HTR7: variants seen among roughly 807,000 people sequenced by gnomAD.
The protein encoded by HTR7 is 5-hydroxytryptamine receptor 7.
HTR7 carries 16 observed loss-of-function variants against 34.0 expected under a neutral mutation model. The ratio of observed to expected loss-of-function variants is 0.47; its 90% CI spans 0.32 to 0.71. The LOEUF is 0.71. HTR7 is among the 30% of genes least tolerant of loss of function. HTR7 has a pLI of 0.04. For missense variants in HTR7, 504 were observed against 625.5 expected, an observed-to-expected ratio of 0.81 and a Z score of 2.07; for synonymous variants, 265 against 260.2, an observed-to-expected ratio of 1.02 and a Z score of -0.18.
At chr10:90,747,082 T>G (rs1844650524) in intron 2 of HTR7, among the ~76,000 whole-genome samples, 1 of 152,182 alleles carries the variant, frequency 6.6e-6, no homozygotes, top group South Asian at 2.1e-4. Flanking sequence ...CAGCTACCAC[T>G]TAGGGACTGT....
At chr10:90,844,765 G>T (rs73315626) in intron 1 of HTR7, among the ~76,000 whole-genome samples, 2,103 of 53,138 alleles carry the variant, frequency 0.04, 67 homozygotes, top group African/African-American at 0.11. Flanking sequence ...AAAAAAAAAA[G>T]ATCAGTCTGG....
chr10:90,763,810 G>T (rs1844976409), intron 1 of HTR7, among the ~76,000 whole-genome samples: 1 of 152,114 alleles, frequency 6.6e-6, no homozygotes, highest in Non-Finnish European at 1.5e-5. Context: ...CTTTTTTATG[G>T]CTGCATAGTA....
rs535315419 is a variant in HTR7 at position 90,857,607 on chromosome 10, G to C, written c.65C>G (p.Pro22Arg). The change falls in exon 1 of 4, where the codon CCA becomes CGA. Residue 22 changes from proline (P) to arginine (R), a missense_variant. By Grantham distance (103) the Pro-to-Arg change is moderately radical. Transcript: ENST00000336152. The surrounding 1 kb of genome is among the most constrained non-coding windows in gnomAD (Gnocchi z 6.5). ...GTCGGGCAGCCCGCGCCCCACTTCT[G>C]GCAGAAGGAAAGAGCGGAGGTGCCC... ...LYGHLRSFLL[P>R]EVGRGLPDLS... 6.3e-6 allele frequency: 10 copies of C among 1,599,656 alleles called. No individual in the cohort carries two copies. The African/African-American group carries it at 8.0e-5, about 13-fold the overall frequency.
chr10:90,819,217 A>T (rs1288614099), intron 1 of HTR7, among the ~76,000 whole-genome samples: 2 of 152,216 alleles, frequency 1.3e-5, no homozygotes, highest in Non-Finnish European at 2.9e-5. Context: ...ATAGATACAA[A>T]ACTCTAAAAA....
intron 2 of HTR7, among the ~76,000 whole-genome samples, chr10:90,744,783 A>G (rs1429179110): frequency 6.6e-6 from 1 of 152,092 alleles, no homozygotes; most frequent in Non-Finnish European, 1.5e-5. Context: ...TAAAAGTCCA[A>G]ATTCTTGGAG....
intron 1 of HTR7, among the ~76,000 whole-genome samples, chr10:90,757,102 G>A (rs1242299865): frequency 6.6e-6 from 1 of 152,118 alleles, no homozygotes; most frequent in African/African-American, 2.4e-5. Flanking sequence ...GAAATGAATG[G>A]CATAAAACCT....
chr10:90,833,371 G>C (rs530282417), intron 1 of HTR7, among the ~76,000 whole-genome samples: 1 of 152,224 alleles, frequency 6.6e-6, no homozygotes, highest in East Asian at 1.9e-4. Flanking sequence ...AAGAGTTAAG[G>C]CACCAGCTCT....
chr10:90,826,855 T>G (rs1449621561), intron 1 of HTR7, among the ~76,000 whole-genome samples: 1 of 151,988 alleles, frequency 6.6e-6, no homozygotes, highest in African/African-American at 2.4e-5. Flanking sequence ...GAGAATGGCA[T>G]GAACCCAGGA....
At chr10:90,761,503 T>C (rs1365299675) in intron 1 of HTR7, among the ~76,000 whole-genome samples, 1 of 152,160 alleles carries the variant, frequency 6.6e-6, no homozygotes, top group East Asian at 1.9e-4. Context: ...TTTCCAGGCA[T>C]GTAGATGTCT....
intron 1 of HTR7, among the ~76,000 whole-genome samples, chr10:90,764,620 C>T (rs1260405981): frequency 6.6e-6 from 1 of 152,000 alleles, no homozygotes; most frequent in Admixed American, 6.6e-5. Flanking sequence ...AAAACAGAAA[C>T]AATTTTACTT....
chr10:90,827,243 C>T (rs928273310), intron 1 of HTR7, among the ~76,000 whole-genome samples: 27 of 152,098 alleles, frequency 1.8e-4, no homozygotes, highest in Middle Eastern at 3.4e-3. Context: ...ACTAAACTCT[C>T]CAATGAAAAG....
chr10:90,800,297 G>C lies in HTR7; in HGVS notation c.540-50703C>G, dbSNP rs371847454. The stretch of plus-strand genomic sequence containing the variant: ...ATTCTGCTCATGGTAATCTACCCAA[G>C]AAAAATAAAACAATGTCCTAAGAAA... On this transcript the variant is annotated intron_variant, in intron 1 of 3. Coordinates refer to ENST00000336152, the MANE Select transcript of HTR7 (RefSeq NM_019859.4). Among the ~76,000 whole-genome samples, 7 of 152,184 alleles carry C rather than the reference G, an allele frequency of 4.6e-5. No individual in the cohort carries two copies. In the South Asian group the frequency reaches 1.2e-3, roughly 27 times the overall value.
At chr10:90,783,373 A>G (rs1397480448) in intron 1 of HTR7, among the ~76,000 whole-genome samples, 1 of 152,050 alleles carries the variant, frequency 6.6e-6, no homozygotes, top group Non-Finnish European at 1.5e-5. Flanking sequence ...CTTACTCCCC[A>G]CTTTGTAAAA....
intron 1 of HTR7, among the ~76,000 whole-genome samples, chr10:90,832,106 G>C (rs955872050): frequency 6.6e-6 from 1 of 152,230 alleles, no homozygotes; most frequent in Admixed American, 6.5e-5. Flanking sequence ...GAGCCCAGCT[G>C]GCTTCACCCA....
At chr10:90,796,557 C>T (rs1399634739) in intron 1 of HTR7, among the ~76,000 whole-genome samples, 2 of 152,126 alleles carry the variant, frequency 1.3e-5, no homozygotes, top group Non-Finnish European at 2.9e-5. Context: ...GACCCTGTCT[C>T]TAAATAAGCC....
chr10:90,759,640 C>T (rs1470929519), intron 1 of HTR7, among the ~76,000 whole-genome samples: 5 of 113,674 alleles, frequency 4.4e-5, no homozygotes, highest in South Asian at 3.0e-4. Flanking sequence ...CCGGCCTGGG[C>T]GACAGAGCGA....
At chr10:90,773,856 T>G (rs543330922) in intron 1 of HTR7, among the ~76,000 whole-genome samples, 2 of 152,176 alleles carry the variant, frequency 1.3e-5, no homozygotes, top group Non-Finnish European at 2.9e-5. Context: ...TGTCAGGTGA[T>G]AGACCCTTAG....
At chr10:90,759,452 G>A (rs1339457741) in intron 1 of HTR7, among the ~76,000 whole-genome samples, 2 of 150,014 alleles carry the variant, frequency 1.3e-5, no homozygotes. Context: ...TCAGGAGATC[G>A]AGACCATCCT....
rs574288991 is a variant in HTR7 at position 90,779,976 on chromosome 10, A to C, written c.540-30382T>G. Among the ~76,000 whole-genome samples the C allele has an allele frequency of 2.1e-3, 322 of 152,310 alleles. 1 individual carries two copies. The highest frequency in any genetic ancestry group is 0.01 in the Middle Eastern group (3 of 294). On this transcript the variant is annotated intron_variant, in intron 1 of 3. Coordinates refer to ENST00000336152, the MANE Select transcript of HTR7 (RefSeq NM_019859.4). ...GTCATCCTTCACCCTCCAGCCCTGCATGCAGGCTAGGTTAGAACTCTGTCC... is the reference window on the plus strand; with the variant it reads ...GTCATCCTTCACCCTCCAGCCCTGCCTGCAGGCTAGGTTAGAACTCTGTCC...
Sources: gnomAD v4.1 joint callset for allele counts (sites outside exome capture counted in the v4.1 genomes callset) on GRCh38, gnomAD v4.1.1 for gene constraint, Gnocchi (gnomAD v3.1) non-coding constraint, MANE v1.5 for transcripts, NCBI Gene and HGNC (gene_info 2026-07-23, HGNC 2026-07-21) for gene names.